Variants in FILIP1L observed in about 807,000 individuals in gnomAD.
FILIP1L encodes the protein filamin A interacting protein 1 like.
In FILIP1L, 55 loss-of-function variants were observed where a neutral mutation model predicts 96.6. The ratio of observed to expected loss-of-function variants is 0.57; its 90% CI spans 0.46 to 0.71. The LOEUF (loss-of-function observed/expected upper bound fraction) is 0.71, where lower values mean the gene tolerates loss of function less well. Ranked by LOEUF, FILIP1L falls within the 30% of genes least tolerant of loss-of-function variation. The pLI is 0.00. For synonymous variants in FILIP1L, 467 were observed against 473.9 expected (o/e 0.99, Z 0.19); for missense variants, 1,304 against 1,321.2 (o/e 0.99, Z 0.20).
intron 4 of FILIP1L, among the ~76,000 whole-genome samples, chr3:99,883,824 G>T (rs1705808900): frequency 6.6e-6 from 1 of 152,154 alleles, no homozygotes; most frequent in Non-Finnish European, 1.5e-5. Context: ...ATAACCCTAT[G>T]GGATAGATAA....
At chr3:100,043,429 A>G (rs564671962) in intron 1 of FILIP1L, among the ~76,000 whole-genome samples, 1 of 152,258 alleles carries the variant, frequency 6.6e-6, no homozygotes, top group South Asian at 2.1e-4. Context: ...GCAGTCTCTA[A>G]GGTCTCTTTT....
chr3:100,090,980 G>A (rs1305412966), intron 1 of FILIP1L, among the ~76,000 whole-genome samples: 1 of 152,162 alleles, frequency 6.6e-6, no homozygotes, highest in Non-Finnish European at 1.5e-5. Flanking sequence ...TTTGGAAAAT[G>A]TCATTCCTGA....
At chr3:100,047,972 T>C (rs1286920076) in intron 1 of FILIP1L, among the ~76,000 whole-genome samples, 2 of 152,198 alleles carry the variant, frequency 1.3e-5, no homozygotes, top group Non-Finnish European at 2.9e-5. Flanking sequence ...TTGTCCCTCC[T>C]ATAGTGTAAA....
At chr3:99,994,850 G>A (rs1050181034) in intron 1 of FILIP1L, among the ~76,000 whole-genome samples, 3 of 152,128 alleles carry the variant, frequency 2.0e-5, no homozygotes, top group Admixed American at 6.6e-5. Context: ...TCACTACCAC[G>A]AGAACAGTAT....
At chr3:100,001,121 C>A (rs1156689560) in intron 1 of FILIP1L, among the ~76,000 whole-genome samples, 6 of 152,234 alleles carry the variant, frequency 3.9e-5, no homozygotes, top group Admixed American at 1.3e-4. Flanking sequence ...GCTGTCCTCC[C>A]AAAATTGGCT....
intron 1 of FILIP1L, among the ~76,000 whole-genome samples, chr3:100,004,297 T>C (rs950715793): frequency 1.3e-5 from 2 of 152,224 alleles, no homozygotes; most frequent in Non-Finnish European, 1.5e-5. Context: ...TGAAACTGTC[T>C]TGGGCTCAAG....
chr3:100,058,001 A>G (rs1374114454), intron 1 of FILIP1L, among the ~76,000 whole-genome samples: 10 of 152,242 alleles, frequency 6.6e-5, no homozygotes, highest in African/African-American at 1.7e-4. Flanking sequence ...TCTGTGAGGT[A>G]CTATGCTAAG....
At chr3:100,041,607 A>T (rs2065206088) in intron 1 of FILIP1L, among the ~76,000 whole-genome samples, 1 of 152,212 alleles carries the variant, frequency 6.6e-6, no homozygotes, top group Admixed American at 6.5e-5. Flanking sequence ...AAAAATAAAA[A>T]TTACAGGAAA....
At chr3:100,018,568 A>G (rs1253952129) in intron 1 of FILIP1L, among the ~76,000 whole-genome samples, 1 of 152,200 alleles carries the variant, frequency 6.6e-6, no homozygotes, top group Non-Finnish European at 1.5e-5. Context: ...AATGAATTAA[A>G]GACTAAAACT....
intron 1 of FILIP1L, among the ~76,000 whole-genome samples, chr3:100,111,500 A>T (rs548655075): frequency 6.6e-6 from 1 of 152,280 alleles, no homozygotes; most frequent in African/African-American, 2.4e-5. Flanking sequence ...TGCGAGTTTT[A>T]TACACAATAT....
Position 99,830,253 on chromosome 3 carries a change from TA to T in FILIP1L, c.*160del. 2.9e-6 allele frequency: 1 copy of T among 342,092 alleles called. No homozygotes were observed. The highest frequency in any genetic ancestry group is 2.3e-5 in the South Asian group (1 of 43,078). 21.2% of individuals were successfully genotyped at this position (342,092 alleles called of 1,614,324 possible). A position where few individuals can be genotyped will look rare whatever the true frequency, so the allele number is the denominator to read the frequency against. ...TGCATATACACATATAGAAGTAAAA[TA>T]ATTGTAGACGTGCTGCTTTTTGGGG... On this transcript the variant is annotated 3_prime_UTR_variant, in exon 6 of 6. Coordinates refer to ENST00000477258, the MANE Select transcript of FILIP1L (RefSeq NM_001387850.1).
At chr3:99,837,011 T>C (rs777377815) in intron 5 of FILIP1L, among the ~76,000 whole-genome samples, 1 of 152,176 alleles carries the variant, frequency 6.6e-6, no homozygotes, top group Non-Finnish European at 1.5e-5. Flanking sequence ...AGGTTTGGCC[T>C]AAAAAAATAG....
chr3:99,947,372 T>G (rs1343632401), intron 1 of FILIP1L, among the ~76,000 whole-genome samples: 1 of 152,196 alleles, frequency 6.6e-6, no homozygotes, highest in Non-Finnish European at 1.5e-5. Context: ...GATAGCTACA[T>G]AGTATTTCAT....
At chr3:100,043,076 C>T (rs1030494266) in intron 1 of FILIP1L, among the ~76,000 whole-genome samples, 12 of 152,238 alleles carry the variant, frequency 7.9e-5, no homozygotes, top group Non-Finnish European at 2.9e-5. Context: ...CAGTGACAGA[C>T]CCCCTGAGCA....
intron 4 of FILIP1L, among the ~76,000 whole-genome samples, chr3:99,853,252 C>T (rs1026888579): frequency 6.6e-6 from 1 of 152,174 alleles, no homozygotes; most frequent in Non-Finnish European, 1.5e-5. Flanking sequence ...AGAATTCATT[C>T]GATGTAATGG....
At chr3:99,943,652 C>T (rs1362887928) in intron 1 of FILIP1L, among the ~76,000 whole-genome samples, 8 of 151,788 alleles carry the variant, frequency 5.3e-5, no homozygotes, top group South Asian at 2.1e-4. Context: ...TGCAGTGATC[C>T]GAGATCACGC....
rs538424217 is a variant in FILIP1L, at chr3:100,102,958, G to A, written c.-11+11095C>T. Among the ~76,000 whole-genome samples, 10 of 152,342 alleles carry A rather than the reference G, an allele frequency of 6.6e-5. No homozygotes were observed. The South Asian group carries it at 1.9e-3, about 28-fold the overall frequency. On this transcript the variant is annotated intron_variant, in intron 1 of 5. Coordinates refer to ENST00000477258, the MANE Select transcript of FILIP1L (RefSeq NM_001387850.1). ...AGCAGATTGGCAAGAGCAGTTGAAA[G>A]GAAAAAGCAATGTAATGCCCTCTGC... is the stretch of plus-strand genomic sequence containing the variant.
chr3:99,892,536 G>A (rs757939480), intron 4 of FILIP1L, among the ~76,000 whole-genome samples: 4 of 152,144 alleles, frequency 2.6e-5, no homozygotes, highest in African/African-American at 4.8e-5. Flanking sequence ...TGACTCCCTG[G>A]TTCTTGTGGC....
intron 1 of FILIP1L, among the ~76,000 whole-genome samples, chr3:100,053,974 T>C (rs959603383): frequency 1.3e-5 from 2 of 152,264 alleles, no homozygotes; most frequent in Non-Finnish European, 2.9e-5. Flanking sequence ...AATTCTATAC[T>C]TTGTTCTTTG....
Sources: gnomAD v4.1 joint callset for allele counts (sites outside exome capture counted in the v4.1 genomes callset) on GRCh38, gnomAD v4.1.1 for gene constraint, MANE v1.5 for transcripts, NCBI Gene and HGNC (gene_info 2026-07-23, HGNC 2026-07-21) for gene names.